SPTLC2: variants seen among roughly 807,000 people sequenced by gnomAD.
SPTLC2 encodes the protein serine palmitoyltransferase 2.
In SPTLC2, 21 loss-of-function variants were observed where a neutral mutation model predicts 62.0. That is an observed-to-expected ratio of 0.34 (90% CI 0.24 to 0.49). SPTLC2 has a LOEUF of 0.49. Ranked by LOEUF, SPTLC2 falls within the 20% of genes least tolerant of loss-of-function variation. The probability of loss-of-function intolerance (pLI) is 0.99; values close to 1 mark genes in which losing one functional copy is unlikely to be tolerated. For synonymous variants in SPTLC2, 261 were observed against 261.8 expected (o/e 1.00, Z 0.03); for missense variants, 511 against 713.0 (o/e 0.72, Z 3.23).
intron 11 of SPTLC2, among the ~76,000 whole-genome samples, chr14:77,512,708 ATTTGTCATCTCTCCCT>A (rs2079338492): frequency 6.6e-6 from 1 of 152,130 alleles, no homozygotes; most frequent in African/African-American, 2.4e-5. Flanking sequence ...ACCGAATACA[ATTTGTCATCTCTCCCT>A]TTTGTTTTTG....
At chr14:77,532,489 A>G (rs1343111345) in intron 9 of SPTLC2, among the ~76,000 whole-genome samples, 1 of 152,146 alleles carries the variant, frequency 6.6e-6, no homozygotes, top group African/African-American at 2.4e-5. Flanking sequence ...ACTTAATATA[A>G]AAATCTGATT....
intron 4 of SPTLC2, among the ~76,000 whole-genome samples, chr14:77,572,800 T>C (rs1363531837): frequency 6.6e-6 from 1 of 152,214 alleles, no homozygotes; most frequent in Non-Finnish European, 1.5e-5. Flanking sequence ...GCTTCATGAA[T>C]GAACTTCTGC....
At chr14:77,543,303 T>C (rs2079511304) in intron 9 of SPTLC2, among the ~76,000 whole-genome samples, 1 of 152,288 alleles carries the variant, frequency 6.6e-6, no homozygotes, top group East Asian at 1.9e-4. Flanking sequence ...TCCGCCCACC[T>C]TGGCCTCAGA....
chr14:77,603,839 C>T (rs886684777), intron 1 of SPTLC2, among the ~76,000 whole-genome samples: 3 of 152,210 alleles, frequency 2.0e-5, no homozygotes, highest in African/African-American at 7.2e-5. Flanking sequence ...ACCCAAGCCT[C>T]CGCTGTAACA....
At chr14:77,611,591 G>A (rs975629633) in intron 1 of SPTLC2, among the ~76,000 whole-genome samples, 5 of 151,882 alleles carry the variant, frequency 3.3e-5, no homozygotes, top group Admixed American at 6.6e-5. Context: ...TTTGGGAGGC[G>A]GAGGCAGGTG....
At chr14:77,512,452 A>C in intron 11 of SPTLC2, 49 bp from the exon 12 acceptor site, 2 of 1,613,744 alleles carry the variant, frequency 1.2e-6, no homozygotes, top group East Asian at 2.2e-5. Context: ...AGTAGGATGC[A>C]GGCATGCCTG....
At chr14:77,531,792 G>A (rs906433557) in intron 9 of SPTLC2, among the ~76,000 whole-genome samples, 7 of 152,170 alleles carry the variant, frequency 4.6e-5, no homozygotes, top group Admixed American at 1.3e-4. Flanking sequence ...GATTACAGGC[G>A]TGAGCCACTG....
intron 9 of SPTLC2, among the ~76,000 whole-genome samples, chr14:77,539,483 C>CTTTTTTTTT (rs71128638): frequency 1.7e-4 from 9 of 53,482 alleles, no homozygotes; most frequent in Non-Finnish European, 1.8e-4. Context: ...TCTTAAGAGG[C>CTTTTTTTTT]TTTTTTTTTT....
intron 9 of SPTLC2, among the ~76,000 whole-genome samples, chr14:77,540,863 G>A (rs552313520): frequency 5.3e-5 from 8 of 152,178 alleles, no homozygotes; most frequent in Non-Finnish European, 1.2e-4. Flanking sequence ...GAGGGGAAAT[G>A]AGTGATATAA....
At chr14:77,525,706 C>A (rs993543619) in intron 9 of SPTLC2, among the ~76,000 whole-genome samples, 2 of 152,072 alleles carry the variant, frequency 1.3e-5, no homozygotes, top group African/African-American at 2.4e-5. Flanking sequence ...GTCAGGAGAT[C>A]GAGACCATCC....
In SPTLC2 at chr14:77,598,477, T is replaced by C. The variant is rs182184834; in HGVS notation, c.133-1097A>G. On this transcript the variant is annotated intron_variant, in intron 1 of 11. Coordinates refer to ENST00000216484, the MANE Select transcript of SPTLC2 (RefSeq NM_004863.4). ...AATTCAGCTTTATTAGAATGTAAAA[T>C]ATTTGTAAATGTTTTACTACCACAC... Among the ~76,000 whole-genome samples, 199 of 152,328 alleles carry C rather than the reference T, an allele frequency of 1.3e-3. 2 individuals carry two copies. Among genetic ancestry groups the C allele is most frequent in the Non-Finnish European group, 2.0e-3 (134 of 68,020 alleles).
Position 77,555,616 on chromosome 14 carries a change from GCTT to G in SPTLC2, c.957-100_957-98del, listed in dbSNP as rs1302961358. On this transcript the variant is annotated intron_variant, in intron 7 of 11. Coordinates refer to ENST00000216484, the MANE Select transcript of SPTLC2 (RefSeq NM_004863.4). ...GCACTTCATTATTATTGAGTTTACTGCTTCTTTTTTTTTTCTTGGGACAGAGTT... is the reference window on the plus strand; with the variant it reads ...GCACTTCATTATTATTGAGTTTACTGCTTTTTTTTTTCTTGGGACAGAGTT... The G allele has an allele frequency of 9.9e-6, 12 of 1,216,034 alleles. No individual in the cohort carries two copies. The African/African-American group carries it at 1.1e-4, about 11-fold the overall frequency. The allele number at this position is 1,216,034 out of a possible 1,614,324, so 75.3% of individuals were successfully genotyped here. A position where few individuals can be genotyped will look rare whatever the true frequency, so the allele number is the denominator to read the frequency against.
intron 8 of SPTLC2, chr14:77,554,951 T>G: frequency 2.9e-6 from 1 of 342,714 alleles, no homozygotes; most frequent in South Asian, 2.6e-5. Flanking sequence ...TCCCATGGGC[T>G]CCCATGACAA....
At chr14:77,589,878 T>C (rs1429021250) in intron 2 of SPTLC2, among the ~76,000 whole-genome samples, 4 of 150,812 alleles carry the variant, frequency 2.7e-5, no homozygotes, top group African/African-American at 9.8e-5. Context: ...CTCAGGAGGC[T>C]GAGGCATGAG....
At chr14:77,596,114 G>C (rs1344098113) in intron 2 of SPTLC2, among the ~76,000 whole-genome samples, 1 of 152,090 alleles carries the variant, frequency 6.6e-6, no homozygotes, top group Non-Finnish European at 1.5e-5. Flanking sequence ...GAGGTGGGTG[G>C]ATCACAAGGT....
chr14:77,531,568 C>T (rs2079441181), intron 9 of SPTLC2, among the ~76,000 whole-genome samples: 1 of 148,376 alleles, frequency 6.7e-6, no homozygotes, highest in Non-Finnish European at 1.5e-5. Context: ...GGCTGGAGTG[C>T]AATGGCACAA....
At chr14:77,578,902 A>G in intron 3 of SPTLC2, 53 bp downstream of exon 3, 1 of 1,595,592 alleles carries the variant, frequency 6.3e-7, no homozygotes, top group Non-Finnish European at 8.6e-7. Context: ...ATTTTCTCAA[A>G]TGAAGAAACC....
At chr14:77,547,096 C>G (rs1474990363) in intron 9 of SPTLC2, among the ~76,000 whole-genome samples, 1 of 152,056 alleles carries the variant, frequency 6.6e-6, no homozygotes, top group African/African-American at 2.4e-5. Flanking sequence ...AATTCCCGAC[C>G]TCAGGTGATC....
intron 7 of SPTLC2, 128 bp downstream of exon 7, chr14:77,556,913 T>A: frequency 2.7e-6 from 2 of 736,342 alleles, no homozygotes; most frequent in Non-Finnish European, 4.7e-6. Context: ...TTTCCAGGTA[T>A]TTTAGCGACT....
Sources: gnomAD v4.1 joint callset for allele counts (sites outside exome capture counted in the v4.1 genomes callset) on GRCh38, gnomAD v4.1.1 for gene constraint, MANE v1.5 for transcripts, NCBI Gene and HGNC (gene_info 2026-07-23, HGNC 2026-07-21) for gene names.